Variants in COL5A2 observed in about 807,000 individuals in gnomAD.
The protein encoded by COL5A2 is collagen type V alpha 2 chain, also known as collagen alpha-2(V) chain.
Under a neutral mutation model 208.2 loss-of-function variants are expected in COL5A2, and 23 were observed. The observed-to-expected ratio is 0.11, with a 90% CI of 0.08 to 0.16. The LOEUF (loss-of-function observed/expected upper bound fraction) is 0.16, where lower values mean the gene tolerates loss of function less well. COL5A2 is among the 10% of genes least tolerant of loss of function. The pLI, the probability that COL5A2 is intolerant of heterozygous loss-of-function variation, is 1.00. For missense variants in COL5A2, 1,590 were observed against 1,956.4 expected, an observed-to-expected ratio of 0.81 and a Z score of 3.53; for synonymous variants, 625 against 628.5, an observed-to-expected ratio of 0.99 and a Z score of 0.08.
chr2:189,253,912 G>C, the COL5A2 span, among the ~76,000 whole-genome samples: 1 of 152,168 alleles, frequency 6.6e-6, no homozygotes, highest in African/African-American at 2.4e-5. Context: ...CACCTAATTA[G>C]ATTGGTCTCT....
In COL5A2 at chr2:189,129,023, A is replaced by ATT. The variant is rs1431283791; in HGVS notation, c.98-18576_98-18575dup. 3.3e-5 allele frequency among the ~76,000 whole-genome samples: 5 copies of ATT among 152,102 alleles called. No homozygotes were observed. In the East Asian group the frequency reaches 9.6e-4, roughly 29 times the overall value. ...AAATCTCCATGGAAAAAAGTCTCTG[A>ATT]TTTAGATTAGTAAAGTGAGATTCTG... On this transcript the variant is annotated intron_variant, in intron 1 of 53. Coordinates refer to ENST00000374866, the MANE Select transcript of COL5A2 (RefSeq NM_000393.5).
chr2:189,140,058 G>A (rs992778155), intron 1 of COL5A2, among the ~76,000 whole-genome samples: 1 of 151,928 alleles, frequency 6.6e-6, no homozygotes, highest in Non-Finnish European at 1.5e-5. Context: ...GGGCGACACA[G>A]AGAGACTCTA....
intron 3 of COL5A2, among the ~76,000 whole-genome samples, chr2:189,101,848 C>A (rs1227700656): frequency 6.6e-6 from 1 of 151,988 alleles, no homozygotes; most frequent in Non-Finnish European, 1.5e-5. Context: ...AAGATTGAAA[C>A]ACTAGGGACT....
At chr2:189,432,887 T>C in the COL5A2 span, among the ~76,000 whole-genome samples, 5 of 152,078 alleles carry the variant, frequency 3.3e-5, no homozygotes, top group Non-Finnish European at 5.9e-5. Flanking sequence ...CATTATTCTC[T>C]GCGCCACATC....
chr2:189,051,883 G>A (rs537352824), intron 41 of COL5A2, among the ~76,000 whole-genome samples: 2 of 152,144 alleles, frequency 1.3e-5, no homozygotes, highest in Non-Finnish European at 2.9e-5. Flanking sequence ...CATCTTAACT[G>A]AAGAGAATGA....
At chr2:189,316,861 T>C in the COL5A2 span, among the ~76,000 whole-genome samples, 1 of 151,880 alleles carries the variant, frequency 6.6e-6, no homozygotes, top group African/African-American at 2.4e-5. Flanking sequence ...AATAACTTAA[T>C]TATACATTTT....
chr2:189,336,470 A>G, the COL5A2 span, among the ~76,000 whole-genome samples: 5 of 152,350 alleles, frequency 3.3e-5, no homozygotes, highest in East Asian at 9.6e-4. Context: ...GAAATAACAG[A>G]AATGTTCATC....
At chr2:189,071,456 T>C (rs1471452843) in intron 18 of COL5A2, among the ~76,000 whole-genome samples, 1 of 152,214 alleles carries the variant, frequency 6.6e-6, no homozygotes, top group Non-Finnish European at 1.5e-5. Flanking sequence ...AAAGAACCAA[T>C]TGTGATTCAC....
intron 1 of COL5A2, among the ~76,000 whole-genome samples, chr2:189,206,962 C>T (rs905255039): frequency 1.3e-5 from 2 of 152,202 alleles, no homozygotes; most frequent in African/African-American, 4.8e-5. Flanking sequence ...TGTAACATTG[C>T]CAACAATTTT....
intron 1 of COL5A2, among the ~76,000 whole-genome samples, chr2:189,113,186 T>A (rs1002003457): frequency 6.6e-6 from 1 of 152,134 alleles, no homozygotes; most frequent in Non-Finnish European, 1.5e-5. Flanking sequence ...TCCCAGCATG[T>A]TGGGAGGCCA....
chr2:189,110,206 T>C lies in COL5A2; in HGVS notation c.322+19A>G. The stretch of plus-strand genomic sequence containing the variant: ...GTGAGTAACTGGATCAATTATGAGT[T>C]GGCCCTAAACATTCTTACCAAAATT... On this transcript the variant is annotated intron_variant, in intron 2 of 53. Transcript: ENST00000374866. The C allele has an allele frequency of 6.6e-7, 1 of 1,511,588 alleles. No individual in the cohort carries two copies. Among genetic ancestry groups the C allele is most frequent in the East Asian group, 2.3e-5 (1 of 44,422 alleles). The allele number at this position is 1,511,588 out of a possible 1,614,324, so 93.6% of individuals were successfully genotyped here.
chr2:189,163,963 A>G (rs1688418469), intron 1 of COL5A2, among the ~76,000 whole-genome samples: 2 of 152,202 alleles, frequency 1.3e-5, no homozygotes, highest in African/African-American at 4.8e-5. Context: ...AATTATTTCA[A>G]CAATTCATTC....
chr2:189,052,647 T>C, intron 40 of COL5A2, 102 bp downstream of exon 40: 1 of 1,127,092 alleles, frequency 8.9e-7, no homozygotes. Flanking sequence ...GGTAATAATT[T>C]GTTATTTCAG....
chr2:189,226,990 T>C (rs1689429225), upstream of COL5A2, among the ~76,000 whole-genome samples: 1 of 152,144 alleles, frequency 6.6e-6, no homozygotes, highest in Non-Finnish European at 1.5e-5. Context: ...TATGAACTTC[T>C]GAAAAAAGGA....
the COL5A2 span, among the ~76,000 whole-genome samples, chr2:189,348,533 T>C: frequency 6.6e-6 from 1 of 152,182 alleles, no homozygotes; most frequent in Non-Finnish European, 1.5e-5. Flanking sequence ...AAGTAAGAGT[T>C]ATGACTTCTA....
chr2:189,142,414 G>A (rs1687951105), intron 1 of COL5A2, among the ~76,000 whole-genome samples: 1 of 151,634 alleles, frequency 6.6e-6, no homozygotes, highest in African/African-American at 2.4e-5. Flanking sequence ...TATGTGTTTT[G>A]TTAGACTAAA....
chr2:189,233,045 A>G, the COL5A2 span, among the ~76,000 whole-genome samples: 3 of 151,788 alleles, frequency 2.0e-5, no homozygotes, highest in South Asian at 4.1e-4. Context: ...GAGAATAAGC[A>G]GCTGGATTTC....
At chr2:189,064,760 C>G in intron 24 of COL5A2, 105 bp from the exon 25 acceptor site, 1 of 900,812 alleles carries the variant, frequency 1.1e-6, no homozygotes, top group Non-Finnish European at 1.8e-6. Context: ...ATATAACATA[C>G]AAATCAAGGC....
chr2:189,402,707 G>A, the COL5A2 span, among the ~76,000 whole-genome samples: 2 of 152,168 alleles, frequency 1.3e-5, no homozygotes, highest in African/African-American at 2.4e-5. Flanking sequence ...GGTTGCAGGT[G>A]TGCAGTCTTA....
Sources: allele counts gnomAD v4.1 joint callset (sites outside exome capture counted in the v4.1 genomes callset), GRCh38; gene constraint gnomAD v4.1.1; transcripts MANE v1.5; gene names NCBI Gene and HGNC (gene_info 2026-07-23, HGNC 2026-07-21).